Variants in DPH6 observed in about 807,000 individuals in gnomAD.
DPH6 encodes the protein diphthamine biosynthesis 6, also known as diphthine--ammonia ligase.
A neutral mutation model predicts 38.2 loss-of-function variants in DPH6; 33 were observed. That is an observed-to-expected ratio of 0.86 (90% CI 0.65 to 1.15). The LOEUF (loss-of-function observed/expected upper bound fraction) is 1.15, where lower values mean the gene tolerates loss of function less well. DPH6 is among the 50% of genes most tolerant of loss of function. The pLI, the probability that DPH6 is intolerant of heterozygous loss-of-function variation, is 0.00. For synonymous variants in DPH6, 108 were observed against 103.0 expected, an observed-to-expected ratio of 1.05 and a Z score of -0.30; for missense variants, 325 against 320.0, an observed-to-expected ratio of 1.02 and a Z score of -0.12.
chr15:35,366,228 TTGTGTGTGTGTGTGTGTGTG>T (rs10525441), downstream of DPH6, among the ~76,000 whole-genome samples: 1 of 144,260 alleles, frequency 6.9e-6, no homozygotes, highest in African/African-American at 2.6e-5. Flanking sequence ...TTTAGTCATC[TTGTGTGTGTGTGTGTGTGTG>T]TGTGTGTGTG....
At chr15:35,361,515 T>C (rs928509785) in intron 3 of DPH6, among the ~76,000 whole-genome samples, 1 of 150,742 alleles carries the variant, frequency 6.6e-6, no homozygotes, top group Non-Finnish European at 1.5e-5. Context: ...AACCTCTCTT[T>C]TTTTTTTTCC....
intron 3 of DPH6, among the ~76,000 whole-genome samples, chr15:35,262,878 T>G (rs902059000): frequency 2.0e-5 from 3 of 152,152 alleles, no homozygotes; most frequent in Non-Finnish European, 4.4e-5. Context: ...CTCTCATGCT[T>G]ACATGTCTTA....
chr15:35,445,395 C>CAAAAAAAA (rs11331685), intron 5 of DPH6, among the ~76,000 whole-genome samples: 1 of 125,522 alleles, frequency 8.0e-6, no homozygotes, highest in Non-Finnish European at 1.7e-5. Context: ...TCATCATCAT[C>CAAAAAAAA]AAAAAAAAAA....
chr15:35,280,716 G>A (rs2051892921), intron 3 of DPH6, among the ~76,000 whole-genome samples: 1 of 152,156 alleles, frequency 6.6e-6, no homozygotes, highest in African/African-American at 2.4e-5. Flanking sequence ...GCATTATTAA[G>A]TAGGTAAGGT....
chr15:35,386,829 G>A (rs2052967241), intron 6 of DPH6, among the ~76,000 whole-genome samples: 1 of 152,164 alleles, frequency 6.6e-6, no homozygotes, highest in South Asian at 2.1e-4. Flanking sequence ...TTGCTGTGCA[G>A]AAGCTCTTTA....
intron 3 of DPH6, among the ~76,000 whole-genome samples, chr15:35,535,265 G>C (rs2055152219): frequency 6.6e-6 from 1 of 152,110 alleles, no homozygotes; most frequent in South Asian, 2.1e-4. Context: ...TCAGCAAAAG[G>C]CTAGAGAACC....
chr15:35,476,811 TCAAA>T (rs2054269530), intron 3 of DPH6, among the ~76,000 whole-genome samples: 1 of 151,940 alleles, frequency 6.6e-6, no homozygotes, highest in South Asian at 2.1e-4. Flanking sequence ...TATTCAGTTG[TCAAA>T]CATTCATCAA....
intron 6 of DPH6, among the ~76,000 whole-genome samples, chr15:35,403,758 T>C (rs1595534448): frequency 6.6e-6 from 1 of 152,074 alleles, no homozygotes; most frequent in African/African-American, 2.4e-5. Flanking sequence ...TTCACTCACC[T>C]TGGCCTCTCA....
In DPH6 at chr15:35,244,161, TATTTA is replaced by T. The variant is rs1457930038; in HGVS notation, n.201-23584_201-23580del. Among the ~76,000 whole-genome samples, 3 of 152,342 alleles carry T rather than the reference TATTTA, an allele frequency of 2.0e-5. No individual in the cohort carries two copies. In the East Asian group the frequency reaches 5.8e-4, roughly 29 times the overall value. Reference sequence around the variant, plus strand: ...GGTAAGGGTGGGATGTACCAAAAGATATTTAATTAATGCCTTTGAGTCAATCTAAA... The same window carrying T: ...GGTAAGGGTGGGATGTACCAAAAGATATTAATGCCTTTGAGTCAATCTAAA... On this transcript the variant is annotated intron_variant and non_coding_transcript_variant, in intron 3 of 3. Coordinates refer to the DPH6 transcript ENST00000560386.
At chr15:35,363,644 T>C (rs1397273735) in intron 3 of DPH6, among the ~76,000 whole-genome samples, 2 of 152,086 alleles carry the variant, frequency 1.3e-5, no homozygotes, top group South Asian at 2.1e-4. Context: ...CACTTAAATA[T>C]ATAATCTTAC....
intron 3 of DPH6, among the ~76,000 whole-genome samples, chr15:35,272,688 C>A (rs2051830083): frequency 6.6e-6 from 1 of 152,074 alleles, no homozygotes; most frequent in African/African-American, 2.4e-5. Context: ...GCAGGTGGAT[C>A]ACCTGAGGTT....
At chr15:35,502,570 AC>A (rs2054641209) in intron 3 of DPH6, among the ~76,000 whole-genome samples, 1 of 151,936 alleles carries the variant, frequency 6.6e-6, no homozygotes, top group Admixed American at 6.6e-5. Context: ...ATTAACATGA[AC>A]CAAGTGGTAG....
chr15:35,345,162 G>A (rs938526029), intron 3 of DPH6, among the ~76,000 whole-genome samples: 13 of 151,718 alleles, frequency 8.6e-5, no homozygotes, highest in African/African-American at 2.9e-4. Flanking sequence ...AAAGTGGAAG[G>A]CAGCCTCATT....
At chr15:35,380,790 C>T (rs1194761769) in intron 7 of DPH6, among the ~76,000 whole-genome samples, 2 of 152,128 alleles carry the variant, frequency 1.3e-5, no homozygotes, top group Admixed American at 1.3e-4. Context: ...CGTAATTACA[C>T]ACAGATGTCT....
At chr15:35,272,611 G>A (rs529014670) in intron 3 of DPH6, among the ~76,000 whole-genome samples, 4 of 152,018 alleles carry the variant, frequency 2.6e-5, no homozygotes, top group Non-Finnish European at 4.4e-5. Flanking sequence ...AGATCTGATT[G>A]TTTAAAAGAA....
chr15:35,242,174 C>G (rs924617034), intron 3 of DPH6, among the ~76,000 whole-genome samples: 1 of 144,426 alleles, frequency 6.9e-6, no homozygotes, highest in African/African-American at 2.5e-5. Flanking sequence ...TTCAGTCAAG[C>G]CCAAATTTCA....
chr15:35,171,187 A>G, the DPH6 span, among the ~76,000 whole-genome samples: 4 of 152,240 alleles, frequency 2.6e-5, no homozygotes, highest in Non-Finnish European at 2.9e-5. Context: ...TTCTTCTTCA[A>G]AGCAAAATGC....
chr15:35,299,522 G>A (rs1351466762), intron 3 of DPH6: 1 of 634,184 alleles, frequency 1.6e-6, no homozygotes, highest in East Asian at 3.0e-5. Context: ...GGGGAGGCAG[G>A]AGCCAACGGC....
chr15:35,170,153 A>G, the DPH6 span, among the ~76,000 whole-genome samples: 1 of 152,218 alleles, frequency 6.6e-6, no homozygotes, highest in African/African-American at 2.4e-5. Context: ...AGTTGGTCAA[A>G]TAAAAACCAA....
Sources: gnomAD v4.1 joint callset for allele counts (sites outside exome capture counted in the v4.1 genomes callset) on GRCh38, gnomAD v4.1.1 for gene constraint, MANE v1.5 for transcripts, NCBI Gene and HGNC (gene_info 2026-07-23, HGNC 2026-07-21) for gene names.